SNTG1: variants seen among roughly 807,000 people sequenced by gnomAD.
The protein encoded by SNTG1 is syntrophin gamma 1.
Under a neutral mutation model 74.7 loss-of-function variants are expected in SNTG1, and 39 were observed. The observed-to-expected ratio is 0.52, with a 90% CI of 0.40 to 0.68. The LOEUF is 0.68. Ranked by LOEUF, SNTG1 falls within the 30% of genes least tolerant of loss-of-function variation. The pLI is 0.00. For synonymous variants in SNTG1, 254 were observed against 217.1 expected (o/e 1.17, Z -1.49); for missense variants, 685 against 609.5 (o/e 1.12, Z -1.30).
chr8:49,964,693 CAA>C (rs1371697743), intron 1 of SNTG1, among the ~76,000 whole-genome samples: 2 of 152,148 alleles, frequency 1.3e-5, no homozygotes, highest in Admixed American at 6.5e-5. Flanking sequence ...TTTGTTGAAA[CAA>C]AGTTTCCCCT....
chr8:50,146,017 A>G (rs2081851556), intron 1 of SNTG1, among the ~76,000 whole-genome samples: 1 of 151,980 alleles, frequency 6.6e-6, no homozygotes, highest in East Asian at 1.9e-4. Flanking sequence ...AAATATAGCT[A>G]AATATAGATA....
intron 2 of SNTG1, among the ~76,000 whole-genome samples, chr8:50,327,951 C>A (rs2090817893): frequency 6.6e-6 from 1 of 152,106 alleles, no homozygotes. Flanking sequence ...ACAAAATATT[C>A]CTAATTCCTC....
chr8:50,311,201 A>G (rs1250396021), intron 2 of SNTG1, among the ~76,000 whole-genome samples: 1 of 152,182 alleles, frequency 6.6e-6, no homozygotes, highest in Non-Finnish European at 1.5e-5. Context: ...TGTGTTCTCC[A>G]TCATCCCATT....
At chr8:50,051,247 C>CACACAT (rs1268937901) in intron 1 of SNTG1, among the ~76,000 whole-genome samples, 5 of 151,202 alleles carry the variant, frequency 3.3e-5, no homozygotes, top group Non-Finnish European at 1.5e-5. Flanking sequence ...TTGACACACA[C>CACACAT]ACACACACAC....
chr8:50,669,429 T>C (rs2095267564), intron 15 of SNTG1, among the ~76,000 whole-genome samples: 2 of 152,120 alleles, frequency 1.3e-5, no homozygotes, highest in African/African-American at 2.4e-5. Context: ...GCAAATAAAC[T>C]AGAAAATCTA....
At chr8:49,925,850 G>A (rs1806973940) in intron 1 of SNTG1, among the ~76,000 whole-genome samples, 1 of 152,110 alleles carries the variant, frequency 6.6e-6, no homozygotes, top group Non-Finnish European at 1.5e-5. Context: ...CATTTAGGTT[G>A]CTTTCAGTTT....
At chr8:50,144,682 C>T (rs2081793430) in intron 1 of SNTG1, among the ~76,000 whole-genome samples, 1 of 152,052 alleles carries the variant, frequency 6.6e-6, no homozygotes, top group African/African-American at 2.4e-5. Context: ...CAGGGACCAG[C>T]AGGTAAGAAT....
At chr8:50,106,881 A>G (rs1412888034) in intron 1 of SNTG1, among the ~76,000 whole-genome samples, 1 of 152,184 alleles carries the variant, frequency 6.6e-6, no homozygotes, top group East Asian at 1.9e-4. Context: ...GTATATCTGA[A>G]AATCATTATA....
intron 2 of SNTG1, among the ~76,000 whole-genome samples, chr8:50,197,818 G>A (rs939213930): frequency 4.6e-5 from 7 of 151,960 alleles, no homozygotes; most frequent in South Asian, 2.1e-4. Context: ...TCCTAGTACC[G>A]TCTTCTAAAC....
At position 50,708,975 on chromosome 8, in the gene SNTG1, A is replaced by G. The variant is rs1284442360; in HGVS notation, c.1281A>G (p.Thr427=). 6.2e-7 allele frequency: 1 copy of G among 1,611,666 alleles called. No individual in the cohort carries two copies. Among genetic ancestry groups the G allele is most frequent in the East Asian group, 2.2e-5 (1 of 44,840 alleles). Residue 427 remains threonine, a synonymous_variant, in exon 17 of 19, where the codon ACA becomes ACG. Transcript: ENST00000642720. The part of the protein sequence containing the change: ...STGFICFDAA[T]KAVLWRYKFS... ...GATTTATCTGCTTTGATGCTGCAAC[A>G]AAGGTAATGTGTTCAGGTCAGCTCT... is the stretch of plus-strand genomic sequence containing the variant.
At chr8:50,492,606 T>A (rs1282796728) in intron 8 of SNTG1, among the ~76,000 whole-genome samples, 2 of 152,240 alleles carry the variant, frequency 1.3e-5, no homozygotes, top group Non-Finnish European at 2.9e-5. Flanking sequence ...CTTGTAAATT[T>A]GTTTAAGTTC....
intron 1 of SNTG1, among the ~76,000 whole-genome samples, chr8:49,977,796 A>G (rs1812324221): frequency 6.6e-6 from 1 of 152,248 alleles, no homozygotes; most frequent in Non-Finnish European, 1.5e-5. Context: ...CGAAGGCTTC[A>G]TAGCAAGAGC....
intron 12 of SNTG1, among the ~76,000 whole-genome samples, chr8:50,582,080 C>T (rs775823733): frequency 2.0e-5 from 3 of 152,164 alleles, no homozygotes; most frequent in Non-Finnish European, 4.4e-5. Context: ...AAACAATCAT[C>T]CAGTATCTGC....
chr8:50,462,428 A>G (rs1264834229), intron 8 of SNTG1, among the ~76,000 whole-genome samples: 1 of 151,964 alleles, frequency 6.6e-6, no homozygotes, highest in African/African-American at 2.4e-5. Flanking sequence ...CTGACTGATT[A>G]GAGTAGTGGT....
intron 12 of SNTG1, among the ~76,000 whole-genome samples, chr8:50,569,364 A>G (rs530613732): frequency 1.3e-4 from 20 of 152,154 alleles, no homozygotes; most frequent in African/African-American, 1.7e-4. Flanking sequence ...CATTTCACCC[A>G]TCTTTCTATA....
chr8:49,938,603 T>TTTTCTTTCTTTTCTTTC (rs1808366361), intron 1 of SNTG1, among the ~76,000 whole-genome samples: 1 of 74,754 alleles, frequency 1.3e-5, no homozygotes, highest in Non-Finnish European at 2.7e-5. Context: ...TTTTCTTTTC[T>TTTTCTTTCTTTTCTTTC]TTTCTTTCTT....
chr8:50,073,249 A>T (rs537759548), intron 1 of SNTG1, among the ~76,000 whole-genome samples: 1 of 152,158 alleles, frequency 6.6e-6, no homozygotes, highest in African/African-American at 2.4e-5. Context: ...CATTTTAACC[A>T]TGTTCTATTC....
At chr8:50,252,309 A>G (rs958030680) in intron 2 of SNTG1, among the ~76,000 whole-genome samples, 4 of 152,140 alleles carry the variant, frequency 2.6e-5, no homozygotes, top group African/African-American at 9.6e-5. Context: ...AACTAGAAAA[A>G]CAAGAATAAG....
intron 2 of SNTG1, among the ~76,000 whole-genome samples, chr8:50,203,431 G>T (rs959314555): frequency 1.3e-5 from 2 of 152,008 alleles, no homozygotes; most frequent in African/African-American, 4.8e-5. Flanking sequence ...TCTTTAATGG[G>T]CCCAAGAAAA....
Sources: allele counts gnomAD v4.1 joint callset (sites outside exome capture counted in the v4.1 genomes callset), GRCh38; gene constraint gnomAD v4.1.1; transcripts MANE v1.5; gene names NCBI Gene and HGNC (gene_info 2026-07-23, HGNC 2026-07-21).